The following TDRD9 variants were observed in gnomAD, a reference collection of about 807,000 sequenced individuals.
The protein encoded by TDRD9 is tudor domain containing 9.
TDRD9 carries 124 observed loss-of-function variants against 172.6 expected under a neutral mutation model. The observed-to-expected ratio is 0.72, with a 90% CI of 0.62 to 0.83. The LOEUF (loss-of-function observed/expected upper bound fraction) is 0.83. Among genes scored for constraint, TDRD9 ranks in the 40% least tolerant of loss-of-function variants. The probability of loss-of-function intolerance (pLI) is 0.00; values close to 1 mark genes in which losing one functional copy is unlikely to be tolerated. For synonymous variants in TDRD9, 619 were observed against 617.1 expected (o/e 1.00, Z -0.05); for missense variants, 1,479 against 1,714.1 (o/e 0.86, Z 2.42).
At chr14:104,002,317 C>CA (rs200021451) in intron 13 of TDRD9, among the ~76,000 whole-genome samples, 29,769 of 126,484 alleles carry the variant, frequency 0.24, 3,987 homozygotes, top group Non-Finnish European at 0.31. Context: ...GATGCTGTTT[C>CA]AAAAAAAAAA....
At chr14:103,985,596 C>T (rs576291769) in intron 7 of TDRD9, among the ~76,000 whole-genome samples, 136 of 151,974 alleles carry the variant, frequency 8.9e-4, no homozygotes, top group African/African-American at 3.0e-3. Flanking sequence ...TGTTTGGTAG[C>T]GGTGCCTGAG....
intron 2 of TDRD9, among the ~76,000 whole-genome samples, chr14:103,960,383 T>C (rs2032451617): frequency 6.6e-6 from 1 of 152,246 alleles, no homozygotes; most frequent in Non-Finnish European, 1.5e-5. Context: ...TTTTTATGGC[T>C]TCCAGTTTTC....
intron 13 of TDRD9, among the ~76,000 whole-genome samples, chr14:104,003,460 C>T (rs1243898356): frequency 6.6e-6 from 1 of 152,182 alleles, no homozygotes; most frequent in Admixed American, 6.5e-5. Context: ...TTAAAGAAAA[C>T]ATTGCCAAGA....
intron 1 of TDRD9, among the ~76,000 whole-genome samples, chr14:103,952,944 T>G (rs1595908718): frequency 6.6e-6 from 1 of 151,890 alleles, no homozygotes; most frequent in East Asian, 1.9e-4. Context: ...TTCACCATGT[T>G]GGCCAGGCTG....
chr14:104,047,927 C>A (rs1333768209), intron 34 of TDRD9, among the ~76,000 whole-genome samples: 2 of 152,166 alleles, frequency 1.3e-5, no homozygotes, highest in Non-Finnish European at 2.9e-5. Flanking sequence ...TAAAAAACTT[C>A]TTGGCACCTG....
chr14:104,050,984 T>A (rs957243983), intron 35 of TDRD9, among the ~76,000 whole-genome samples: 2 of 152,206 alleles, frequency 1.3e-5, no homozygotes, highest in African/African-American at 4.8e-5. Flanking sequence ...GCTTTTATTT[T>A]AGATTCAAGG....
Position 104,008,415 on chromosome 14 carries a change from T to G in TDRD9, c.2055T>G (p.Asp685Glu), listed in dbSNP as rs1261780244. ...ATTCTGCTTTTATATATTTAAAGGA[T>G]GAACTTAATTGGGGACGGTTAAATT... Reference protein sequence around the residue: ...RQTGELRYPKDELNWGRLNYI... With the variant: ...RQTGELRYPKEELNWGRLNYI... Residue 685 changes from aspartate (D) to glutamate (E), a missense_variant and splice_region_variant, in exon 20 of 36, where the codon GAT (aspartate) becomes GAG (glutamate). By Grantham distance (45) the Asp-to-Glu change is conservative. Around this residue, in one of 3 missense-constraint regions of TDRD9, gnomAD observed 1,413 missense variants for 1,649.1 expected, o/e 0.86. Coordinates refer to ENST00000409874, the MANE Select transcript of TDRD9 (RefSeq NM_153046.3). The G allele has an allele frequency of 6.6e-7, 1 of 1,523,662 alleles. No homozygotes were observed. Among genetic ancestry groups the G allele is most frequent in the African/African-American group, 1.4e-5 (1 of 73,034 alleles). The allele number at this position is 1,523,662 out of a possible 1,614,324, so 94.4% of individuals were successfully genotyped here.
rs1402790877 is a variant in TDRD9 at position 104,022,153 on chromosome 14, A to C, written c.2433-4A>C. 5 of 1,550,786 alleles carry C rather than the reference A, an allele frequency of 3.2e-6. No homozygotes were observed. Among genetic ancestry groups the C allele is most frequent in the African/African-American group, 2.7e-5 (2 of 73,002 alleles). On this transcript the variant is annotated splice_polypyrimidine_tract_variant and splice_region_variant and intron_variant, in intron 23 of 35. Coordinates refer to ENST00000409874, the MANE Select transcript of TDRD9 (RefSeq NM_153046.3). ...TTATTTTTAAATTTACATTTGTGGA[A>C]CAGAGCCTTTGTGGAATTCTCACGA...
intron 26 of TDRD9, 64 bp from the exon 27 acceptor site, chr14:104,025,983 T>C: frequency 8.9e-7 from 1 of 1,118,594 alleles, no homozygotes; most frequent in Non-Finnish European, 1.4e-6. Flanking sequence ...GCTGCATTGC[T>C]ATTGCTCAGG....
intron 16 of TDRD9, 35 bp downstream of exon 16, chr14:104,006,589 T>C: frequency 6.2e-7 from 1 of 1,611,970 alleles, no homozygotes; most frequent in Non-Finnish European, 8.5e-7. Flanking sequence ...TAATGGGAAG[T>C]TTATATAACA....
intron 23 of TDRD9, among the ~76,000 whole-genome samples, chr14:104,019,789 A>G (rs2034898842): frequency 6.6e-6 from 1 of 152,176 alleles, no homozygotes; most frequent in African/African-American, 2.4e-5. Flanking sequence ...AGGAGTGGAG[A>G]GTCAAATTAG....
At chr14:104,009,436 A>C (rs2034541871) in intron 20 of TDRD9, among the ~76,000 whole-genome samples, 1 of 152,170 alleles carries the variant, frequency 6.6e-6, no homozygotes, top group Non-Finnish European at 1.5e-5. Context: ...TGGCATACCA[A>C]TATAGGGAGC....
At chr14:103,936,455 T>A (rs1308103679) in intron 1 of TDRD9, among the ~76,000 whole-genome samples, 1 of 152,124 alleles carries the variant, frequency 6.6e-6, no homozygotes, top group African/African-American at 2.4e-5. Flanking sequence ...ATGGTGAGAG[T>A]TGCTTCCTCA....
intron 7 of TDRD9, among the ~76,000 whole-genome samples, chr14:103,979,648 C>A (rs147521960): frequency 2.8e-4 from 42 of 152,352 alleles, no homozygotes; most frequent in African/African-American, 8.7e-4. Flanking sequence ...ACCTCCAACA[C>A]TGGAATCAAA....
At chr14:104,028,662 T>C (rs1021900751) in intron 28 of TDRD9, among the ~76,000 whole-genome samples, 2 of 152,230 alleles carry the variant, frequency 1.3e-5, no homozygotes, top group Non-Finnish European at 1.5e-5. Flanking sequence ...TTGTTTCCTG[T>C]ACTATGCAGA....
Position 104,041,980 on chromosome 14 carries a change from A to G in TDRD9, c.3856-89A>G, listed in dbSNP as rs80007858. On this transcript the variant is annotated intron_variant, in intron 33 of 35. Transcript: ENST00000409874. ...ATAAACCATACTGATGACAGAGAAT[A>G]CTAACTCTGAATGCTATGAATTCTC... The G allele has an allele frequency of 2.3e-4, 204 of 889,764 alleles. 1 individual carries two copies. The East Asian group carries it at 5.0e-3, about 22-fold the overall frequency. The allele number at this position is 889,764 out of a possible 1,614,324, so 55.1% of individuals were successfully genotyped here.
chr14:104,052,325 T>C lies in TDRD9; in HGVS notation c.*243T>C. On this transcript the variant is annotated 3_prime_UTR_variant, in exon 36 of 36. Coordinates refer to ENST00000409874, the MANE Select transcript of TDRD9 (RefSeq NM_153046.3). Reference sequence around the variant, plus strand: ...AAACAGAAAATCACTGTATTAAATATTTTGGAAAGATTGTTCTGAAAGAAG... The same window carrying C: ...AAACAGAAAATCACTGTATTAAATACTTTGGAAAGATTGTTCTGAAAGAAG... The C allele has an allele frequency of 3.3e-6, 1 of 301,982 alleles. No individual in the cohort carries two copies. Among genetic ancestry groups the C allele is most frequent in the Non-Finnish European group, 6.2e-6 (1 of 161,000 alleles). 18.7% of individuals were successfully genotyped at this position (301,982 alleles called of 1,614,324 possible). A position where few individuals can be genotyped will look rare whatever the true frequency, so the allele number is the denominator to read the frequency against.
chr14:103,994,372 C>G lies in TDRD9; in HGVS notation c.1221C>G (p.Ser407Arg). ...ATTATATGCATGAACTTCTCACAAG[C>G]CTGGTTCATAAAAGGTATGTTGAAA... ...EINYMHELLT[S>R]LVHKRLQVYP... Residue 407 changes from serine (S) to arginine (R), a missense_variant, in exon 10 of 36, where the codon AGC (serine) becomes AGG (arginine). Physicochemically the swap from Ser to Arg is moderately radical, Grantham distance 110. This residue lies in a region of TDRD9 where 1,413 missense variants were observed against 1,649.1 expected (regional missense o/e 0.86). Coordinates refer to ENST00000409874, the MANE Select transcript of TDRD9 (RefSeq NM_153046.3). 6.2e-7 allele frequency: 1 copy of G among 1,613,678 alleles called. No homozygotes were observed. Among genetic ancestry groups the G allele is most frequent in the South Asian group, 1.1e-5 (1 of 91,062 alleles).
chr14:103,937,816 A>C (rs1367107392), intron 1 of TDRD9, among the ~76,000 whole-genome samples: 1 of 151,832 alleles, frequency 6.6e-6, no homozygotes, highest in Non-Finnish European at 1.5e-5. Flanking sequence ...TTTAGAACAC[A>C]AAAAATTCTC....
Sources: gnomAD v4.1 joint callset for allele counts (sites outside exome capture counted in the v4.1 genomes callset) on GRCh38, gnomAD v4.1.1 for gene constraint, gnomAD v4.1.1 regional missense constraint, MANE v1.5 for transcripts, NCBI Gene and HGNC (gene_info 2026-07-23, HGNC 2026-07-21) for gene names.